Variants in AGRN observed in about 807,000 individuals in gnomAD.
AGRN encodes agrin proteoglycan.
A neutral mutation model predicts 211.0 loss-of-function variants in AGRN; 106 were observed. The ratio of observed to expected loss-of-function variants is 0.50; its 90% CI spans 0.43 to 0.59. The LOEUF is 0.59. Among genes scored for constraint, AGRN ranks in the 20% least tolerant of loss-of-function variants. The probability of loss-of-function intolerance (pLI) is 0.00; values close to 1 mark genes in which losing one functional copy is unlikely to be tolerated. For missense variants in AGRN, 3,040 were observed against 2,982.6 expected (o/e 1.02, Z -0.45); for synonymous variants, 1,525 against 1,332.5 (o/e 1.14, Z -3.15).
intron 3 of AGRN, among the ~76,000 whole-genome samples, chr1:1,036,851 G>A (rs1253341452): frequency 1.3e-5 from 2 of 152,172 alleles, no homozygotes; most frequent in African/African-American, 4.8e-5. Context: ...ATGCCGGTGG[G>A]GTTGCTGTCC....
chr1:1,052,057 C>T (rs759110503), intron 33 of AGRN: 1 of 1,487,984 alleles, frequency 6.7e-7, no homozygotes, highest in South Asian at 1.2e-5. Context: ...CTCACTCCCA[C>T]TCCTCCATCC....
chr1:1,034,902 A>T (rs751320169), intron 2 of AGRN: 269 of 373,948 alleles, frequency 7.2e-4, no homozygotes, highest in Non-Finnish European at 9.3e-4. Context: ...AAAGCTGCAG[A>T]AACACTTTCT....
At chr1:1,022,133 C>G in intron 1 of AGRN, 68 bp from the exon 2 acceptor site, 1 of 1,599,056 alleles carries the variant, frequency 6.3e-7, no homozygotes, top group Non-Finnish European at 8.6e-7. Context: ...CCCTAAACAC[C>G]TAAAGCCCCC....
chr1:1,020,541 G>C (rs1443702905), intron 1 of AGRN, among the ~76,000 whole-genome samples, 168 bp downstream of exon 1: 1 of 152,054 alleles, frequency 6.6e-6, no homozygotes, highest in African/African-American at 2.4e-5. Flanking sequence ...GGAAACTCGC[G>C]GGCGCCGGGG....
intron 3 of AGRN, among the ~76,000 whole-genome samples, chr1:1,035,749 G>T (rs1644789434): frequency 6.6e-6 from 1 of 152,166 alleles, no homozygotes; most frequent in African/African-American, 2.4e-5. Context: ...AGGCTGAGCT[G>T]GGGGAGGGCC....
chr1:1,033,340 C>G (rs1644715098), intron 2 of AGRN, among the ~76,000 whole-genome samples: 1 of 151,846 alleles, frequency 6.6e-6, no homozygotes, highest in Non-Finnish European at 1.5e-5. Context: ...GGCGGGGCCG[C>G]GGGCGCAGAC....
At position 1,048,843 on chromosome 1, in the gene AGRN, G is replaced by A. The variant is rs762308920; in HGVS notation, c.4106-24G>A. Reference sequence around the variant, plus strand: ...GGGAATCCTCGGAGCTTTTCCAGCCGGCCCTCCCGGTCGCCCTTTGCAGTG... The same window carrying A: ...GGGAATCCTCGGAGCTTTTCCAGCCAGCCCTCCCGGTCGCCCTTTGCAGTG... On this transcript the variant is annotated intron_variant, in intron 23 of 35. Transcript: ENST00000379370. This position sits in a 1 kb window ranked among gnomAD's most constrained non-coding sequence, Gnocchi z 5.9. 93 of 1,520,862 alleles carry A rather than the reference G, an allele frequency of 6.1e-5. No individual in the cohort carries two copies. The Middle Eastern group carries it at 2.2e-3, about 36-fold the overall frequency. 94.2% of individuals were successfully genotyped at this position (1,520,862 alleles called of 1,614,324 possible). A position where few individuals can be genotyped will look rare whatever the true frequency, so the allele number is the denominator to read the frequency against.
chr1:1,053,480 G>C lies in AGRN; in HGVS notation c.5652-273G>C, dbSNP rs896839224. On this transcript the variant is annotated intron_variant, in intron 33 of 35. Transcript: ENST00000379370. ...TCTAAGCCCCGAAACTCTGGATTCC[G>C]GGGCCCTTCACAGGTGAGCACGTGG... The C allele has an allele frequency of 5.3e-6, 8 of 1,499,034 alleles. No homozygotes were observed. The South Asian group carries it at 6.0e-5, about 11-fold the overall frequency. The allele number at this position is 1,499,034 out of a possible 1,614,324, so 92.9% of individuals were successfully genotyped here. A position where few individuals can be genotyped will look rare whatever the true frequency, so the allele number is the denominator to read the frequency against.
At chr1:1,024,985 C>A (rs1644488587) in intron 2 of AGRN, among the ~76,000 whole-genome samples, 1 of 152,102 alleles carries the variant, frequency 6.6e-6, no homozygotes, top group South Asian at 2.1e-4. Flanking sequence ...ACTCCTCCGG[C>A]CCTCGCCACC....
intron 33 of AGRN, 21 bp downstream of exon 33, chr1:1,051,836 G>C (rs760160349): frequency 6.2e-7 from 1 of 1,613,236 alleles, no homozygotes; most frequent in Admixed American, 1.7e-5. Flanking sequence ...ATCCTCTGCT[G>C]GCTGTCGGTT....
chr1:1,030,143 A>ATGTG (rs761937624), intron 2 of AGRN, among the ~76,000 whole-genome samples: 1,543 of 7,886 alleles, frequency 0.2, 319 homozygotes, highest in South Asian at 0.29. Flanking sequence ...TGAGATCAGC[A>ATGTG]TGTGTGTGTG....
intron 2 of AGRN, among the ~76,000 whole-genome samples, chr1:1,023,282 T>C (rs538559133): frequency 2.0e-5 from 3 of 152,270 alleles, no homozygotes; most frequent in African/African-American, 7.2e-5. Flanking sequence ...CTAGCCTGGC[T>C]CTTGAGGGGT....
chr1:1,049,978 C>T lies in AGRN; in HGVS notation c.4820C>T (p.Pro1607Leu). 2 of 1,612,046 alleles carry T rather than the reference C, an allele frequency of 1.2e-6. No individual in the cohort carries two copies. The highest frequency in any genetic ancestry group is 1.7e-6 in the Non-Finnish European group (2 of 1,179,802). The change falls in exon 27 of 36, where the codon CCC becomes CTC. Residue 1607 changes from proline to leucine, a missense_variant. Around this residue, in one of 3 missense-constraint regions of AGRN, gnomAD observed 1,537 missense variants for 1,505.0 expected, o/e 1.02. Transcript: ENST00000379370. ...CHGAAPCRVL[P>L]EGGAQCECPL... ...GGGGCGGCGCCCTGCCGTGTGCTGCCCGAGGGTGGTGCTCAGTGCGAGTGC... is the reference window on the plus strand; with the variant it reads ...GGGGCGGCGCCCTGCCGTGTGCTGCTCGAGGGTGGTGCTCAGTGCGAGTGC...
intron 12 of AGRN, among the ~76,000 whole-genome samples, chr1:1,044,799 C>T (rs759687775): frequency 2.6e-5 from 4 of 152,182 alleles, no homozygotes; most frequent in African/African-American, 2.4e-5. Flanking sequence ...AGATGTGTGT[C>T]TGCAGAGGGG....
At chr1:1,038,139 C>T (rs527511989) in intron 3 of AGRN, among the ~76,000 whole-genome samples, 21 of 152,268 alleles carry the variant, frequency 1.4e-4, no homozygotes, top group African/African-American at 3.1e-4. Context: ...CTGGGCTGGC[C>T]GGCAGTGTCA....
chr1:1,050,798 G>C lies in AGRN; in HGVS notation c.5214G>C (p.Leu1738=). ...SLERNGRKGA[L]RVGDGPRVLG... ...AGCGAAACGGCCGCAAGGGTGCCCTGCGTGTGGGCGACGGCCCCCGTGTGT... is the reference window on the plus strand; with the variant it reads ...AGCGAAACGGCCGCAAGGGTGCCCTCCGTGTGGGCGACGGCCCCCGTGTGT... Residue 1738 remains leucine, a synonymous_variant, in exon 30 of 36, where the codon CTG becomes CTC. Coordinates refer to ENST00000379370, the MANE Select transcript of AGRN (RefSeq NM_198576.4). 6.3e-7 allele frequency: 1 copy of C among 1,597,912 alleles called. No homozygotes were observed. The highest frequency in any genetic ancestry group is 8.5e-7 in the Non-Finnish European group (1 of 1,175,986).
Position 1,055,294 on chromosome 1 carries a change from C to T in AGRN, c.*313C>T, listed in dbSNP as rs1043602988. 32 of 430,000 alleles carry T rather than the reference C, an allele frequency of 7.4e-5. No individual in the cohort carries two copies. Among genetic ancestry groups the T allele is most frequent in the South Asian group, 4.5e-4 (22 of 48,658 alleles). 26.6% of individuals were successfully genotyped at this position (430,000 alleles called of 1,614,324 possible). A position where few individuals can be genotyped will look rare whatever the true frequency, so the allele number is the denominator to read the frequency against. ...GCAGCCCCGGCTCCTGAATCACCCT[C>T]GCTCCGTCAGGCGGGACTCGTGTCC... is the stretch of plus-strand genomic sequence containing the variant. On this transcript the variant is annotated 3_prime_UTR_variant, in exon 36 of 36. Coordinates refer to ENST00000379370, the MANE Select transcript of AGRN (RefSeq NM_198576.4).
chr1:1,022,536 C>A, intron 2 of AGRN, 74 bp downstream of exon 2: 1 of 1,510,806 alleles, frequency 6.6e-7, no homozygotes, highest in Non-Finnish European at 9.0e-7. Flanking sequence ...TTGCAGGGGT[C>A]GCTGTGCGGG....
rs528148481 is a variant in AGRN, at chr1:1,051,099, C to T, written c.5254-154C>T. ...TCTGGCGCCTCAACCCCTAGGGTAG[C>T]TCCTCCCCCACTAAGGACCCTGCCA... On this transcript the variant is annotated intron_variant, in intron 30 of 35. Coordinates refer to ENST00000379370, the MANE Select transcript of AGRN (RefSeq NM_198576.4). 3.4e-5 allele frequency: 53 copies of T among 1,546,250 alleles called. 1 individual carries two copies. In the South Asian group the frequency reaches 4.6e-4, roughly 13 times the overall value.
Sources: gnomAD v4.1 joint callset for allele counts (sites outside exome capture counted in the v4.1 genomes callset) on GRCh38, gnomAD v4.1.1 for gene constraint, gnomAD v4.1.1 regional missense constraint, Gnocchi (gnomAD v3.1) non-coding constraint, MANE v1.5 for transcripts, NCBI Gene and HGNC (gene_info 2026-07-23, HGNC 2026-07-21) for gene names.